Variants in FRMPD4 observed in about 807,000 individuals in gnomAD.
The protein encoded by FRMPD4 is FERM and PDZ domain-containing protein 4.
A neutral mutation model predicts 94.1 loss-of-function variants in FRMPD4; 22 were observed. The ratio of observed to expected loss-of-function variants is 0.23; its 90% CI spans 0.17 to 0.33. The LOEUF (loss-of-function observed/expected upper bound fraction) is 0.33, where lower values mean the gene tolerates loss of function less well. Ranked by LOEUF, FRMPD4 falls within the 10% of genes least tolerant of loss-of-function variation. FRMPD4 has a pLI of 1.00. For missense variants in FRMPD4, 1,111 were observed against 1,339.9 expected (o/e 0.83, Z 2.67); for synonymous variants, 631 against 548.6 (o/e 1.15, Z -2.10).
At position 12,355,724 on chromosome X, in the gene FRMPD4, A is replaced by C. The variant is rs373521812; in HGVS notation, c.42-142956A>C. Among the ~76,000 whole-genome samples, 6 of 111,617 alleles carry C rather than the reference A, an allele frequency of 5.4e-5. No individual in the cohort carries two copies. The East Asian group carries it at 1.7e-3, about 31-fold the overall frequency. On this transcript the variant is annotated intron_variant, in intron 1 of 16. Coordinates refer to ENST00000675598, the MANE Select transcript of FRMPD4 (RefSeq NM_001368397.1). The stretch of plus-strand genomic sequence containing the variant: ...TGGAATGAGGTTTTAGTTTTTTTCT[A>C]TGAGGGAGGAATTTGCAACTTTCAT...
At chrX:12,388,461 T>C (rs1342418674) in intron 1 of FRMPD4, among the ~76,000 whole-genome samples, 3 of 108,695 alleles carry the variant, frequency 2.8e-5, no homozygotes, top group Admixed American at 9.8e-5. Flanking sequence ...AAAAATTAGC[T>C]GGGCATGGTG....
At chrX:12,386,451 T>C (rs1410639857) in intron 1 of FRMPD4, among the ~76,000 whole-genome samples, 2 of 112,171 alleles carry the variant, frequency 1.8e-5, no homozygotes, top group African/African-American at 6.5e-5. Context: ...TTGAATTTGA[T>C]AGATGAGATC....
chrX:12,283,976 A>C (rs1246803755), intron 1 of FRMPD4, among the ~76,000 whole-genome samples: 3 of 112,067 alleles, frequency 2.7e-5, no homozygotes, highest in Non-Finnish European at 5.6e-5. Flanking sequence ...TTCCATGGCC[A>C]ACTAGTGTAG....
intron 1 of FRMPD4, among the ~76,000 whole-genome samples, chrX:12,471,525 G>A (rs1156775815): frequency 8.9e-6 from 1 of 111,756 alleles, no homozygotes; most frequent in Admixed American, 9.5e-5. Context: ...AAGGAGGGTA[G>A]TGTGAGCACG....
chrX:12,116,462 CATGG>C (rs1364221713), intron 3 of FRMPD4, among the ~76,000 whole-genome samples: 1 of 112,397 alleles, frequency 8.9e-6, no homozygotes, highest in Non-Finnish European at 1.9e-5. Context: ...GCCGAGACCA[CATGG>C]TGCTTTTACC....
rs547752679 is a variant in FRMPD4 at position 12,458,466 on chromosome X, T to A, written c.42-40214T>A. Reference sequence around the variant, plus strand: ...AATGGCTCAGAACGGCCATGATGTATTGTTTCTCTTGATTCAGAGGGTTGA... The same window carrying A: ...AATGGCTCAGAACGGCCATGATGTAATGTTTCTCTTGATTCAGAGGGTTGA... On this transcript the variant is annotated intron_variant, in intron 1 of 16. Transcript: ENST00000675598. Among the ~76,000 whole-genome samples, 41 of 111,796 alleles carry A rather than the reference T, an allele frequency of 3.7e-4. No individual in the cohort carries two copies. The Middle Eastern group carries it at 0.014, about 38-fold the overall frequency.
At chrX:12,136,115 T>C (rs1386197408), upstream of FRMPD4, among the ~76,000 whole-genome samples, 1 of 111,546 alleles carries the variant, frequency 9.0e-6, no homozygotes, top group Non-Finnish European at 1.9e-5. Flanking sequence ...CACGAAGTCA[T>C]ACACAGATCA....
At chrX:12,709,554 G>A (rs1055108149) in intron 13 of FRMPD4, among the ~76,000 whole-genome samples, 1 of 110,888 alleles carries the variant, frequency 9.0e-6, no homozygotes, top group Non-Finnish European at 1.9e-5. Context: ...GTAAATTTAC[G>A]ATTTCATCTA....
At chrX:11,859,742 T>C (rs1337222109) in intron 1 of FRMPD4, among the ~76,000 whole-genome samples, 2 of 112,200 alleles carry the variant, frequency 1.8e-5, no homozygotes, top group Non-Finnish European at 1.9e-5. Context: ...TTTGTTTGTT[T>C]GTTTGTTTGT....
chrX:12,168,712 G>T (rs1189020601), intron 1 of FRMPD4, among the ~76,000 whole-genome samples: 2 of 92,717 alleles, frequency 2.2e-5, no homozygotes, highest in Non-Finnish European at 4.1e-5. Flanking sequence ...TGCCAGCTCC[G>T]CCTCCTGGGT....
chrX:11,910,450 C>T (rs1415386704), intron 3 of FRMPD4, among the ~76,000 whole-genome samples: 1 of 111,584 alleles, frequency 9.0e-6, no homozygotes, highest in African/African-American at 3.3e-5. Context: ...GACAGAGTCT[C>T]ACTCTGTTGC....
At chrX:12,484,905 T>C (rs28702022) in intron 1 of FRMPD4, among the ~76,000 whole-genome samples, 3,143 of 112,380 alleles carry the variant, frequency 0.028, 121 homozygotes, top group African/African-American at 0.096. Context: ...TAAGATGCAA[T>C]TGAAGTGCTG....
intron 1 of FRMPD4, among the ~76,000 whole-genome samples, chrX:12,151,174 G>A (rs905158190): frequency 2.7e-5 from 3 of 111,458 alleles, no homozygotes; most frequent in African/African-American, 6.5e-5. Flanking sequence ...CTCTGAATAC[G>A]TTTATTGTTA....
chrX:12,210,888 C>T (rs2056748275), intron 1 of FRMPD4, among the ~76,000 whole-genome samples: 1 of 112,320 alleles, frequency 8.9e-6, no homozygotes, highest in African/African-American at 3.2e-5. Context: ...AAATGTTAAA[C>T]TTTCAGAAAT....
chrX:12,182,577 A>ATATAT (rs1569182706), intron 1 of FRMPD4, among the ~76,000 whole-genome samples: 1 of 107,152 alleles, frequency 9.3e-6, no homozygotes, highest in African/African-American at 3.4e-5. Flanking sequence ...TAAATAAATA[A>ATATAT]ATATATATAT....
At chrX:12,124,277 A>G (rs1468051309) in intron 3 of FRMPD4, among the ~76,000 whole-genome samples, 2 of 112,213 alleles carry the variant, frequency 1.8e-5, no homozygotes, top group African/African-American at 6.5e-5. Flanking sequence ...TAGCTCTTAT[A>G]AAAGTTGAAA....
At chrX:12,506,806 A>G (rs1219143302) in intron 2 of FRMPD4, among the ~76,000 whole-genome samples, 1 of 112,161 alleles carries the variant, frequency 8.9e-6, no homozygotes, top group Non-Finnish European at 1.9e-5. Flanking sequence ...AACTAACTCA[A>G]TTGTTTTGAT....
chrX:12,049,741 C>T (rs966804120), intron 3 of FRMPD4, among the ~76,000 whole-genome samples: 1 of 111,518 alleles, frequency 9.0e-6, no homozygotes, highest in Non-Finnish European at 1.9e-5. Flanking sequence ...AAGATGACAG[C>T]GCCATGTATG....
chrX:11,905,059 T>C (rs1185518711), intron 3 of FRMPD4, among the ~76,000 whole-genome samples: 1 of 112,101 alleles, frequency 8.9e-6, no homozygotes, highest in East Asian at 2.8e-4. Context: ...TGTAAATCAG[T>C]GCATGGCAAT....
Sources: gnomAD v4.1 joint callset for allele counts (sites outside exome capture counted in the v4.1 genomes callset) on GRCh38, gnomAD v4.1.1 for gene constraint, MANE v1.5 for transcripts, NCBI Gene and HGNC (gene_info 2026-07-23, HGNC 2026-07-21) for gene names.